EIF4G3: variants seen among roughly 807,000 people sequenced by gnomAD.
EIF4G3 encodes eukaryotic translation initiation factor 4 gamma 3, also known as eIF-4-gamma 3.
EIF4G3 carries 34 observed loss-of-function variants against 186.4 expected under a neutral mutation model. The observed-to-expected ratio is 0.18, with a 90% CI of 0.14 to 0.24. The LOEUF (loss-of-function observed/expected upper bound fraction) is 0.24. Among genes scored for constraint, EIF4G3 ranks in the 10% least tolerant of loss-of-function variants. EIF4G3 has a pLI of 1.00. For synonymous variants in EIF4G3, 673 were observed against 679.5 expected, an observed-to-expected ratio of 0.99 and a Z score of 0.15; for missense variants, 1,536 against 1,948.5, an observed-to-expected ratio of 0.79 and a Z score of 3.99.
At position 20,854,989 on chromosome 1, in the gene EIF4G3, G is replaced by C. The variant is rs113117821; in HGVS notation, c.3422C>G (p.Ala1141Gly). 6.2e-7 allele frequency: 1 copy of C among 1,613,408 alleles called. No individual in the cohort carries two copies. The highest frequency in any genetic ancestry group is 8.5e-7 in the Non-Finnish European group (1 of 1,179,628). The change falls in exon 26 of 37, where the codon GCA (alanine) becomes GGA (glycine). Residue 1141 changes from alanine to glycine, a missense_variant. Physicochemically the swap from Ala to Gly is moderately conservative, Grantham distance 60. Transcript: ENST00000602326. Reference sequence around the variant, plus strand: ...ACACACACACTTACCAGTCTCACTTGCCTTTGCTCCACCACTGCTGCCTTT... The same window carrying C: ...ACACACACACTTACCAGTCTCACTTCCCTTTGCTCCACCACTGCTGCCTTT... ...WGKGSSGGAK[A>G]SETDALRSSA...
chr1:21,073,524 T>C (rs1173083762), intron 3 of EIF4G3: 1 of 350,448 alleles, frequency 2.9e-6, no homozygotes, highest in East Asian at 7.1e-5. Context: ...TCTTCATCCA[T>C]GAACAGCTGA....
intron 2 of EIF4G3, among the ~76,000 whole-genome samples, chr1:21,156,993 G>C (rs956310333): frequency 6.6e-6 from 1 of 152,096 alleles, no homozygotes; most frequent in Admixed American, 6.6e-5. Context: ...GAGAGGTCGA[G>C]GCTGCAGTGA....
chr1:20,808,457 G>A (rs888586332), intron 36 of EIF4G3, among the ~76,000 whole-genome samples: 16 of 151,748 alleles, frequency 1.1e-4, no homozygotes, highest in African/African-American at 2.4e-4. Context: ...CGAGACAGGC[G>A]GATCACGAGG....
chr1:21,011,201 CTTT>C (rs138131684), intron 4 of EIF4G3, among the ~76,000 whole-genome samples: 57 of 125,578 alleles, frequency 4.5e-4, no homozygotes, highest in Middle Eastern at 4.5e-3. Context: ...ACAAATTAAA[CTTT>C]TTTTTAAAAA....
Position 20,883,863 on chromosome 1 carries a change from C to T in EIF4G3, c.2424+2338G>A, listed in dbSNP as rs144323007. On this transcript the variant is annotated intron_variant, in intron 19 of 36. Coordinates refer to ENST00000602326, the MANE Select transcript of EIF4G3 (RefSeq NM_001391906.1). ...ATATTGAATGCTAGGTTAAAAAGCT[C>T]GAATGGAAAGACAAAAATCAGTGTT... Among the ~76,000 whole-genome samples the T allele has an allele frequency of 5.1e-3, 781 of 151,932 alleles. 7 individuals carry two copies. The highest frequency in any genetic ancestry group is 0.018 in the African/African-American group (750 of 41,406).
chr1:20,875,224 T>C (rs762481976), intron 20 of EIF4G3, among the ~76,000 whole-genome samples: 1 of 152,190 alleles, frequency 6.6e-6, no homozygotes, highest in South Asian at 2.1e-4. Flanking sequence ...GCTCAAGCGA[T>C]CCTCCTGCCT....
intron 3 of EIF4G3, among the ~76,000 whole-genome samples, chr1:21,063,144 C>A (rs1481829168): frequency 6.6e-6 from 1 of 152,170 alleles, no homozygotes; most frequent in Admixed American, 6.5e-5. Flanking sequence ...GCCTCCACCT[C>A]CCAAGCTCAA....
At chr1:20,827,261 GAC>G (rs1250006430) in intron 32 of EIF4G3, among the ~76,000 whole-genome samples, 1 of 152,100 alleles carries the variant, frequency 6.6e-6, no homozygotes, top group Non-Finnish European at 1.5e-5. Context: ...TTTATAGACT[GAC>G]AGCCTGCCAT....
At chr1:21,077,897 A>C (rs1226522778) in intron 3 of EIF4G3, among the ~76,000 whole-genome samples, 3 of 151,198 alleles carry the variant, frequency 2.0e-5, no homozygotes, top group South Asian at 4.2e-4. Context: ...AAAAAAAAAA[A>C]CAACAAAAAG....
intron 4 of EIF4G3, among the ~76,000 whole-genome samples, chr1:21,043,387 A>G (rs1020835187): frequency 6.6e-6 from 1 of 152,258 alleles, no homozygotes; most frequent in African/African-American, 2.4e-5. Flanking sequence ...TGAATTTGCC[A>G]AACAGAATGT....
intron 2 of EIF4G3, among the ~76,000 whole-genome samples, chr1:21,160,129 T>C (rs1247285213): frequency 6.8e-6 from 1 of 146,830 alleles, no homozygotes; most frequent in African/African-American, 2.5e-5. Flanking sequence ...AAAAAGATAA[T>C]GGCTTCTTGA....
At chr1:21,081,839 C>T (rs1309571364) in intron 3 of EIF4G3, among the ~76,000 whole-genome samples, 4 of 151,878 alleles carry the variant, frequency 2.6e-5, no homozygotes, top group African/African-American at 4.8e-5. Flanking sequence ...GGCGGTGTTT[C>T]GCCATGTTGG....
At chr1:20,956,349 T>C (rs2096416151) in intron 12 of EIF4G3, among the ~76,000 whole-genome samples, 1 of 152,004 alleles carries the variant, frequency 6.6e-6, no homozygotes, top group Non-Finnish European at 1.5e-5. Context: ...GTGATATGAT[T>C]TATGTTTTAA....
chr1:21,009,207 G>A (rs779356796), intron 4 of EIF4G3, among the ~76,000 whole-genome samples: 10 of 152,184 alleles, frequency 6.6e-5, no homozygotes, highest in Non-Finnish European at 1.2e-4. Flanking sequence ...TGGAGACAGG[G>A]TCTCGCTCTG....
intron 12 of EIF4G3, among the ~76,000 whole-genome samples, chr1:20,961,305 C>G (rs993440276): frequency 1.3e-5 from 2 of 152,072 alleles, no homozygotes; most frequent in African/African-American, 4.8e-5. Context: ...ATCGCTTGAA[C>G]CAGGGAGGCA....
rs9426649 is a variant in EIF4G3, at chr1:21,122,189, G to T, written c.-271-32976C>A. ...TAGAGAGAATTCTGCTTAAAACAAT[G>T]ACACATTTGAATTTGAAAGAGTTTA... On this transcript the variant is annotated intron_variant, in intron 2 of 36. Transcript: ENST00000602326. Among the ~76,000 whole-genome samples, 1,510 of 152,238 alleles carry T rather than the reference G, an allele frequency of 9.9e-3. 24 individuals are homozygous for T. The highest frequency in any genetic ancestry group is 0.035 in the African/African-American group (1,442 of 41,544).
intron 3 of EIF4G3, among the ~76,000 whole-genome samples, chr1:21,054,440 T>G (rs2094466500): frequency 6.9e-6 from 1 of 144,838 alleles, no homozygotes; most frequent in Middle Eastern, 3.6e-3. Context: ...AATCCCCCTC[T>G]GCGAGAAACA....
At chr1:21,136,653 G>C (rs2097252364) in intron 2 of EIF4G3, among the ~76,000 whole-genome samples, 1 of 152,190 alleles carries the variant, frequency 6.6e-6, no homozygotes, top group African/African-American at 2.4e-5. Flanking sequence ...ACACTTGTTA[G>C]TAGAGTAACT....
intron 20 of EIF4G3, among the ~76,000 whole-genome samples, chr1:20,869,774 C>CAAAAAA (rs35907806): frequency 6.2e-5 from 3 of 48,614 alleles, no homozygotes; most frequent in African/African-American, 8.6e-5. Context: ...GACTACGTCT[C>CAAAAAA]AAAAAAAAAA....
Sources: gnomAD v4.1 joint callset for allele counts (sites outside exome capture counted in the v4.1 genomes callset) on GRCh38, gnomAD v4.1.1 for gene constraint, MANE v1.5 for transcripts, NCBI Gene and HGNC (gene_info 2026-07-23, HGNC 2026-07-21) for gene names.